GLIS3: variants seen among roughly 807,000 people sequenced by gnomAD.
GLIS3 encodes zinc finger protein GLIS3.
In GLIS3, 53 loss-of-function variants were observed where a neutral mutation model predicts 78.6. That is an observed-to-expected ratio of 0.67 (90% CI 0.54 to 0.85). The LOEUF (loss-of-function observed/expected upper bound fraction) is 0.85, where lower values mean the gene tolerates loss of function less well. GLIS3 is among the 40% of genes least tolerant of loss of function. The pLI, the probability that GLIS3 is intolerant of heterozygous loss-of-function variation, is 0.00. For missense variants in GLIS3, 1,703 were observed against 1,231.1 expected (o/e 1.38, Z -5.74); for synonymous variants, 684 against 509.9 (o/e 1.34, Z -4.60).
In GLIS3 at chr9:3,954,903, A is replaced by G. The variant is rs535750158; in HGVS notation, c.1711-17714T>C. 4.6e-5 allele frequency among the ~76,000 whole-genome samples: 7 copies of G among 152,374 alleles called. No homozygotes were observed. The East Asian group carries it at 1.3e-3, about 29-fold the overall frequency. On this transcript the variant is annotated intron_variant, in intron 4 of 10. Transcript: ENST00000381971. Reference sequence around the variant, plus strand: ...GAAAACATGCCTTTGACGATCTGGAATTAAATCCAAAATGCATGACAATTC... The same window carrying G: ...GAAAACATGCCTTTGACGATCTGGAGTTAAATCCAAAATGCATGACAATTC...
intron 2 of GLIS3, among the ~76,000 whole-genome samples, chr9:4,229,754 T>C (rs1340754176): frequency 1.3e-5 from 2 of 152,226 alleles, no homozygotes; most frequent in Non-Finnish European, 2.9e-5. Flanking sequence ...TCAGCTATTT[T>C]ATAACACATA....
intron 2 of GLIS3, among the ~76,000 whole-genome samples, chr9:4,185,959 T>G (rs981968123): frequency 6.6e-6 from 1 of 152,146 alleles, no homozygotes. Context: ...TGGCGCAGTG[T>G]GTCAAAGTTA....
At chr9:4,233,992 GA>G (rs1822496762) in intron 2 of GLIS3, among the ~76,000 whole-genome samples, 1 of 152,152 alleles carries the variant, frequency 6.6e-6, no homozygotes, top group Admixed American at 6.5e-5. Flanking sequence ...CTTTTCTTGT[GA>G]AGCTCCCTCA....
the GLIS3 span, among the ~76,000 whole-genome samples, chr9:4,421,759 G>A: frequency 5.9e-5 from 9 of 152,198 alleles, no homozygotes. Flanking sequence ...TCACAAATAT[G>A]TAAAGAGTAC....
chr9:4,326,883 T>G (rs79505033), intron 2 of GLIS3, among the ~76,000 whole-genome samples: 22,482 of 152,012 alleles, frequency 0.15, 1,711 homozygotes, highest in East Asian at 0.24. Flanking sequence ...TGTGGGTGCA[T>G]GTCCTCTCAT....
At chr9:3,956,528 G>C (rs1817122715) in intron 4 of GLIS3, among the ~76,000 whole-genome samples, 1 of 152,186 alleles carries the variant, frequency 6.6e-6, no homozygotes, top group Admixed American at 6.5e-5. Context: ...AAAGGGCTTG[G>C]AGACATCACT....
intron 1 of GLIS3, among the ~76,000 whole-genome samples, chr9:4,290,643 G>T (rs1255607561): frequency 6.6e-6 from 1 of 152,102 alleles, no homozygotes; most frequent in Non-Finnish European, 1.5e-5. Context: ...TTAGATCCTA[G>T]GAGTTCATTT....
intron 4 of GLIS3, among the ~76,000 whole-genome samples, chr9:4,053,698 T>C (rs1170391573): frequency 5.8e-5 from 2 of 34,212 alleles, no homozygotes; most frequent in African/African-American, 1.1e-4. Flanking sequence ...CTTGTTTTCT[T>C]TCTTCATAAA....
chr9:4,003,658 T>G (rs923221689), intron 4 of GLIS3, among the ~76,000 whole-genome samples: 4 of 152,168 alleles, frequency 2.6e-5, no homozygotes, highest in African/African-American at 9.7e-5. Flanking sequence ...AATACCAAAG[T>G]AGCTCAAAGA....
chr9:3,898,670 C>G, intron 7 of GLIS3, 21 bp downstream of exon 7: 1 of 1,614,024 alleles, frequency 6.2e-7, no homozygotes, highest in East Asian at 2.2e-5. Flanking sequence ...TTGTGGTTGG[C>G]TCTGCCTTTG....
At chr9:4,488,720 G>C in the GLIS3 span, among the ~76,000 whole-genome samples, 2 of 151,998 alleles carry the variant, frequency 1.3e-5, no homozygotes, top group African/African-American at 4.8e-5. Flanking sequence ...ATTTCCCCAT[G>C]TTGGCCAGGC....
intron 4 of GLIS3, among the ~76,000 whole-genome samples, chr9:4,037,752 C>T (rs1438902834): frequency 6.6e-6 from 1 of 152,126 alleles, no homozygotes; most frequent in Non-Finnish European, 1.5e-5. Context: ...GTCATCGTGC[C>T]CTTATGGTCA....
intron 2 of GLIS3, among the ~76,000 whole-genome samples, chr9:4,162,993 G>A (rs1040304077): frequency 1.3e-5 from 2 of 151,966 alleles, no homozygotes; most frequent in Non-Finnish European, 2.9e-5. Flanking sequence ...CCTAAGTAGG[G>A]TACTTTCTAC....
At chr9:4,023,055 A>G (rs725335) in intron 4 of GLIS3, among the ~76,000 whole-genome samples, 1,788 of 152,318 alleles carry the variant, frequency 0.012, 48 homozygotes, top group African/African-American at 0.041. Context: ...AAAAGAATGT[A>G]ATTTACTATA....
chr9:4,227,627 T>G (rs540996022), intron 2 of GLIS3, among the ~76,000 whole-genome samples: 1 of 152,212 alleles, frequency 6.6e-6, no homozygotes. Context: ...AACTCTGGAA[T>G]GTATAAAGTC....
chr9:4,026,659 T>C (rs960908689), intron 4 of GLIS3, among the ~76,000 whole-genome samples: 1 of 152,212 alleles, frequency 6.6e-6, no homozygotes, highest in African/African-American at 2.4e-5. Context: ...AATATACTTC[T>C]AAACCTAACT....
At chr9:4,255,379 G>C (rs532950941) in intron 2 of GLIS3, among the ~76,000 whole-genome samples, 1 of 152,110 alleles carries the variant, frequency 6.6e-6, no homozygotes, top group Non-Finnish European at 1.5e-5. Context: ...CAAAGGAGTT[G>C]AAAACTTAGG....
At chr9:3,966,155 T>A (rs1342227343) in intron 4 of GLIS3, among the ~76,000 whole-genome samples, 2 of 152,238 alleles carry the variant, frequency 1.3e-5, no homozygotes, top group East Asian at 3.8e-4. Context: ...GAAACTGATA[T>A]GTTCCTAATG....
chr9:4,246,497 T>C (rs1192035647), intron 2 of GLIS3, among the ~76,000 whole-genome samples: 1 of 152,200 alleles, frequency 6.6e-6, no homozygotes, highest in Non-Finnish European at 1.5e-5. Flanking sequence ...GCATTTTCCC[T>C]AAGTGACATC....
Sources: allele counts gnomAD v4.1 joint callset (sites outside exome capture counted in the v4.1 genomes callset), GRCh38; gene constraint gnomAD v4.1.1; transcripts MANE v1.5; gene names NCBI Gene and HGNC (gene_info 2026-07-23, HGNC 2026-07-21).